The following NOS1 variants were observed in gnomAD, a reference collection of about 807,000 sequenced individuals.
NOS1 encodes nitric oxide synthase 1.
Under a neutral mutation model 164.5 loss-of-function variants are expected in NOS1, and 51 were observed. That is an observed-to-expected ratio of 0.31 (90% CI 0.25 to 0.39). The LOEUF (loss-of-function observed/expected upper bound fraction) is 0.39. NOS1 is among the 10% of genes least tolerant of loss of function. The pLI is 1.00. For synonymous variants in NOS1, 719 were observed against 745.8 expected, an observed-to-expected ratio of 0.96 and a Z score of 0.59; for missense variants, 1,362 against 1,885.6, an observed-to-expected ratio of 0.72 and a Z score of 5.14.
rs75263116 is a variant in NOS1 at position 117,282,169 on chromosome 12, C to T, written c.1383-1303G>A. ...AGCAAGTATTAGGTGTTAACAATAT[C>T]TTAGCACCAAACTGAGCCTTTCTCC... On this transcript the variant is annotated intron_variant, in intron 7 of 28. Coordinates refer to ENST00000317775, the MANE Select transcript of NOS1 (RefSeq NM_000620.5). 1.3e-3 allele frequency among the ~76,000 whole-genome samples: 195 copies of T among 151,798 alleles called. 1 individual carries two copies. Among genetic ancestry groups the T allele is most frequent in the Non-Finnish European group, 2.3e-3 (153 of 67,972 alleles).
rs922613102 is a variant in NOS1 at position 117,220,253 on chromosome 12, A to G, written c.3992T>C (p.Ile1331Thr). 6.2e-7 allele frequency: 1 copy of G among 1,609,862 alleles called. No individual in the cohort carries two copies. The highest frequency in any genetic ancestry group is 8.5e-7 in the Non-Finnish European group (1 of 1,179,308). The change falls in exon 27 of 29, where the codon ATC becomes ACC. Residue 1331 changes from isoleucine to threonine, a missense_variant. By Grantham distance (89) the Ile-to-Thr change is moderately conservative. This residue lies in a region of NOS1 where 737 missense variants were observed against 1,030.3 expected (regional missense o/e 0.72). Coordinates refer to ENST00000317775, the MANE Select transcript of NOS1 (RefSeq NM_000620.5). ...AGACTCCGCCAGCTGCTCCTGCAGGATGTCCTGCACGTACTTCTGCAAGGA... is the reference window on the plus strand; with the variant it reads ...AGACTCCGCCAGCTGCTCCTGCAGGGTGTCCTGCACGTACTTCTGCAAGGA... ...PDKPKKYVQD[I>T]LQEQLAESVY...
chr12:117,249,996 T>C (rs984098852), intron 17 of NOS1, among the ~76,000 whole-genome samples: 2 of 152,110 alleles, frequency 1.3e-5, no homozygotes, highest in African/African-American at 2.4e-5. Flanking sequence ...AACCATGGAG[T>C]GGGGCTACTT....
chr12:117,248,103 A>G (rs1036848012), intron 17 of NOS1, among the ~76,000 whole-genome samples: 2 of 151,970 alleles, frequency 1.3e-5, no homozygotes, highest in African/African-American at 2.4e-5. Context: ...CCAGAAAGAG[A>G]GACCTCACTA....
chr12:117,293,278 C>T (rs932080141), intron 3 of NOS1, among the ~76,000 whole-genome samples: 10 of 152,186 alleles, frequency 6.6e-5, no homozygotes, highest in Admixed American at 3.3e-4. Flanking sequence ...TAATCTTCCA[C>T]GGCTCCTGGC....
At chr12:117,357,424 T>C (rs917970374) in intron 1 of NOS1, among the ~76,000 whole-genome samples, 3 of 152,250 alleles carry the variant, frequency 2.0e-5, no homozygotes, top group South Asian at 2.1e-4. Flanking sequence ...TGAAATTAAA[T>C]TTCTTTAAAG....
chr12:117,236,219 T>G, intron 20 of NOS1, among the ~76,000 whole-genome samples: 1 of 152,208 alleles, frequency 6.6e-6, no homozygotes, highest in African/African-American at 2.4e-5. Context: ...TGCCAATTAA[T>G]TTTCAGTGGC....
chr12:117,269,026 T>G (rs1872622201), intron 10 of NOS1, among the ~76,000 whole-genome samples: 1 of 152,218 alleles, frequency 6.6e-6, no homozygotes, highest in Admixed American at 6.5e-5. Flanking sequence ...CTTTAATTAC[T>G]AATCTTGTGT....
intron 12 of NOS1, among the ~76,000 whole-genome samples, chr12:117,264,472 TCTTTCTTTC>T (rs1872207801): frequency 6.6e-6 from 1 of 151,636 alleles, no homozygotes; most frequent in African/African-American, 2.4e-5. Flanking sequence ...TTATTTTCTT[TCTTTCTTTC>T]CTTTCTTTCT....
At chr12:117,264,559 C>T (rs1254298307) in intron 12 of NOS1, among the ~76,000 whole-genome samples, 1 of 113,728 alleles carries the variant, frequency 8.8e-6, no homozygotes, top group Non-Finnish European at 1.9e-5. Flanking sequence ...TCCCTTCTTC[C>T]TTCCTTTCTT....
At chr12:117,262,487 GGGAGAGAGAGAGAGAGAGAAGAGAGA>G (rs1872005578) in intron 13 of NOS1, among the ~76,000 whole-genome samples, 2 of 109,832 alleles carry the variant, frequency 1.8e-5, no homozygotes, top group South Asian at 2.7e-4. Flanking sequence ...AAGGGGGAGG[GGGAGAGAGAGAGAGAGAGAAGAGAGA>G]GGAGAGAGAG....
intron 3 of NOS1, among the ~76,000 whole-genome samples, chr12:117,299,654 A>G (rs1473137063): frequency 6.9e-5 from 10 of 144,628 alleles, no homozygotes; most frequent in African/African-American, 1.6e-4. Context: ...AAAAAAGAAA[A>G]AAAGAAAGTT....
chr12:117,330,544 T>A lies in NOS1; in HGVS notation c.526A>T (p.Asn176Tyr). 1 of 1,613,802 alleles carries A rather than the reference T, an allele frequency of 6.2e-7. No individual in the cohort carries two copies. Among genetic ancestry groups the A allele is most frequent in the Non-Finnish European group, 8.5e-7 (1 of 1,180,002 alleles). The change falls in exon 2 of 29, where the codon AAC becomes TAC. Residue 176 changes from asparagine to tyrosine, a missense_variant. Coordinates refer to ENST00000317775, the MANE Select transcript of NOS1 (RefSeq NM_000620.5). The surrounding 1 kb of genome is among the most constrained non-coding windows in gnomAD (Gnocchi z 4.6). ...CCTGGGGGCCTGGGGGCCAGGCCGT[T>A]GGCATGGGGGAGTGAGCCAGCCTCC... is the stretch of plus-strand genomic sequence containing the variant. ...GQEAGSLPHANGLAPRPPGQD... is the reference protein window; with the variant it reads ...GQEAGSLPHAYGLAPRPPGQD...
At chr12:117,280,580 G>T in intron 8 of NOS1, 145 bp downstream of exon 8, 1 of 829,510 alleles carries the variant, frequency 1.2e-6, no homozygotes. Context: ...TTGGGGAACA[G>T]CCTGATGGAG....
At chr12:117,284,754 A>C (rs926487022) in intron 7 of NOS1, among the ~76,000 whole-genome samples, 1 of 152,124 alleles carries the variant, frequency 6.6e-6, no homozygotes, top group Admixed American at 6.6e-5. Flanking sequence ...TGGTGTATGG[A>C]ATAAAGATGC....
At chr12:117,308,487 T>A (rs1305821419) in intron 3 of NOS1, among the ~76,000 whole-genome samples, 1 of 151,764 alleles carries the variant, frequency 6.6e-6, no homozygotes, top group East Asian at 1.9e-4. Flanking sequence ...TACCTTGGCC[T>A]GGATGGTGCC....
At chr12:117,216,205 C>T (rs9658556) in intron 28 of NOS1, among the ~76,000 whole-genome samples, 14,104 of 132,948 alleles carry the variant, frequency 0.11, 1,109 homozygotes, top group Admixed American at 0.3. Flanking sequence ...TTTTTTGAGA[C>T]GGAGTCTTGT....
intron 26 of NOS1, among the ~76,000 whole-genome samples, chr12:117,221,009 G>T (rs9658528): frequency 0.021 from 3,133 of 152,006 alleles, 107 homozygotes; most frequent in African/African-American, 0.072. Context: ...CCCCCAACCT[G>T]CCACGATGTC....
Position 117,211,082 on chromosome 12 carries a change from A to G in NOS1, c.*4227T>C, listed in dbSNP as rs1956520259. ...AGCGATCCTCCTTCCTCAGCCTCCC[A>G]GGTAGCTGAGACTACAGGCGCATGC... On this transcript the variant is annotated 3_prime_UTR_variant, in exon 29 of 29. Transcript: ENST00000317775. 2 of 578,318 alleles carry G rather than the reference A, an allele frequency of 3.5e-6. No homozygotes were observed. Among genetic ancestry groups the G allele is most frequent in the Non-Finnish European group, 2.2e-6 (1 of 458,604 alleles). 35.8% of individuals were successfully genotyped at this position (578,318 alleles called of 1,614,324 possible).
chr12:117,287,005 A>G (rs903274059), intron 5 of NOS1, among the ~76,000 whole-genome samples: 6 of 152,228 alleles, frequency 3.9e-5, no homozygotes, highest in Non-Finnish European at 7.3e-5. Flanking sequence ...ACTTGAGGCT[A>G]GGAATTTGAG....
Sources: gnomAD v4.1 joint callset for allele counts (sites outside exome capture counted in the v4.1 genomes callset) on GRCh38, gnomAD v4.1.1 for gene constraint, gnomAD v4.1.1 regional missense constraint, Gnocchi (gnomAD v3.1) non-coding constraint, MANE v1.5 for transcripts, NCBI Gene and HGNC (gene_info 2026-07-23, HGNC 2026-07-21) for gene names.